The following TMEM164 variants were observed in gnomAD, a reference collection of about 807,000 sequenced individuals.
TMEM164 encodes the protein RP13-360B22.2.
A neutral mutation model predicts 18.8 loss-of-function variants in TMEM164; 4 were observed. The observed-to-expected ratio is 0.21, with a 90% CI of 0.10 to 0.49. The LOEUF (loss-of-function observed/expected upper bound fraction) is 0.49. TMEM164 is among the 20% of genes least tolerant of loss of function. The pLI is 0.98. For synonymous variants in TMEM164, 86 were observed against 101.7 expected (o/e 0.85, Z 0.93); for missense variants, 108 against 239.9 (o/e 0.45, Z 3.63).
chrX:110,147,437 G>A (rs1165855054), intron 5 of TMEM164, among the ~76,000 whole-genome samples: 15 of 111,057 alleles, frequency 1.4e-4, no homozygotes, highest in Admixed American at 4.8e-4. Flanking sequence ...CAACCCCACC[G>A]GCAGCTCTGC....
At chrX:110,052,745 G>GTTTTTTTTTTTTTTTTTTTTTTTTTTT (rs34292132) in intron 2 of TMEM164, among the ~76,000 whole-genome samples, 1 of 68,817 alleles carries the variant, frequency 1.5e-5, no homozygotes, top group Non-Finnish European at 2.7e-5. Context: ...ACATGCATCT[G>GTTTTTTTTTTTTTTTTTTTTTTTTTTT]TTTTTTTTTT....
At chrX:110,183,717 G>A (rs1335062879), downstream of TMEM164, among the ~76,000 whole-genome samples, 7 of 112,548 alleles carry the variant, frequency 6.2e-5, no homozygotes, top group Non-Finnish European at 9.4e-5. Context: ...CCACTTCACA[G>A]CTACGTGGCC....
At chrX:110,081,067 T>C (rs1235092117) in intron 3 of TMEM164, among the ~76,000 whole-genome samples, 1 of 110,134 alleles carries the variant, frequency 9.1e-6, no homozygotes, top group African/African-American at 3.3e-5. Flanking sequence ...TGCATATTAT[T>C]CCATTGTGTG....
At chrX:110,036,301 A>G (rs1451869153) in intron 2 of TMEM164, among the ~76,000 whole-genome samples, 1 of 111,583 alleles carries the variant, frequency 9.0e-6, no homozygotes, top group African/African-American at 3.3e-5. Context: ...ATCTGTATTC[A>G]TGTACCTGTC....
intron 3 of TMEM164, among the ~76,000 whole-genome samples, chrX:110,084,464 GTA>G (rs572080956): frequency 0.017 from 1,041 of 61,735 alleles, 13 homozygotes; most frequent in Middle Eastern, 0.027. Context: ...ATATAGTATA[GTA>G]TATATATATA....
chrX:110,106,909 G>A (rs772273348), intron 3 of TMEM164, among the ~76,000 whole-genome samples: 13 of 112,262 alleles, frequency 1.2e-4, no homozygotes, highest in African/African-American at 4.2e-4. Context: ...TGACACTGCT[G>A]AAAAAGGATT....
chrX:110,079,918 C>T (rs1371826646), intron 3 of TMEM164, among the ~76,000 whole-genome samples: 1 of 110,259 alleles, frequency 9.1e-6, no homozygotes, highest in Non-Finnish European at 1.9e-5. Context: ...CAGCATGGCA[C>T]ATGCATACAT....
chrX:110,145,376 A>C (rs2066839107), intron 5 of TMEM164, among the ~76,000 whole-genome samples: 1 of 111,315 alleles, frequency 9.0e-6, no homozygotes, highest in Non-Finnish European at 1.9e-5. Context: ...AAAATAAACC[A>C]CTGAAAACCT....
intron 4 of TMEM164, among the ~76,000 whole-genome samples, chrX:110,115,001 T>G (rs2088732381): frequency 8.9e-6 from 1 of 111,856 alleles, no homozygotes; most frequent in Non-Finnish European, 1.9e-5. Flanking sequence ...ATGGTTCTTT[T>G]GAGTATTCCT....
chrX:110,114,108 A>G (rs148508932), intron 4 of TMEM164, among the ~76,000 whole-genome samples: 1,451 of 111,849 alleles, frequency 0.013, 16 homozygotes, highest in Middle Eastern at 0.028. Flanking sequence ...CCCAGAACCC[A>G]TATCTCTTGA....
At chrX:110,040,802 T>A (rs951838714) in intron 2 of TMEM164, among the ~76,000 whole-genome samples, 1 of 111,291 alleles carries the variant, frequency 9.0e-6, no homozygotes, top group African/African-American at 3.3e-5. Context: ...CTGAGGCTAG[T>A]GGGCACAGCT....
At chrX:110,180,623 T>C (rs371765480), downstream of TMEM164, among the ~76,000 whole-genome samples, 13 of 111,011 alleles carry the variant, frequency 1.2e-4, no homozygotes, top group East Asian at 3.7e-3. Context: ...ATGGATGCCC[T>C]CCACAGCTGA....
intron 3 of TMEM164, among the ~76,000 whole-genome samples, chrX:110,084,128 T>A (rs2065798219): frequency 9.2e-6 from 1 of 108,853 alleles, no homozygotes; most frequent in African/African-American, 3.3e-5. Flanking sequence ...TTGGCTCTGA[T>A]GTTGTCTGTT....
chrX:110,176,459 C>G lies in TMEM164; in HGVS notation c.*3008C>G. On this transcript the variant is annotated 3_prime_UTR_variant, in exon 7 of 7. Coordinates refer to ENST00000372068, the MANE Select transcript of TMEM164 (RefSeq NM_032227.4). The stretch of plus-strand genomic sequence containing the variant: ...CCCCAAGTCAGCAATCTCTTTCTCT[C>G]TCTCTCCTCAAACTTCATCGCATTC... 1.3e-6 allele frequency: 1 copy of G among 749,463 alleles called. No individual in the cohort carries two copies. The highest frequency in any genetic ancestry group is 1.6e-6 in the Non-Finnish European group (1 of 633,103). The allele number at this position is 749,463 out of a possible 1,213,427, so 61.8% of individuals were successfully genotyped here.
At chrX:110,029,794 C>T (rs964096330) in intron 2 of TMEM164, among the ~76,000 whole-genome samples, 15 of 110,969 alleles carry the variant, frequency 1.4e-4, no homozygotes, top group African/African-American at 3.9e-4. Flanking sequence ...ATTCTGATTG[C>T]GTTTCCTAAA....
Position 110,030,742 on chromosome X carries a change from C to T in TMEM164, c.390+26578C>T, listed in dbSNP as rs1294741991. Among the ~76,000 whole-genome samples the T allele has an allele frequency of 3.9e-5, 4 of 101,432 alleles. No homozygotes were observed. The Admixed American group carries it at 4.4e-4, about 11-fold the overall frequency. 88.1% of individuals were successfully genotyped at this position (101,432 alleles called of 115,157 possible). On this transcript the variant is annotated intron_variant, in intron 2 of 6. Transcript: ENST00000372068. ...AGTAGAATTGCTTGAACCCAGGGGA[C>T]GGAGGTTGCAGTGAGCTGAGATCGC...
chrX:110,011,561 A>G (rs16985914), intron 2 of TMEM164, among the ~76,000 whole-genome samples: 3,756 of 112,174 alleles, frequency 0.033, 155 homozygotes, highest in African/African-American at 0.12. Context: ...GCTATGTGCT[A>G]TCTCCCCATT....
At chrX:110,020,036 G>GCCCAAACA (rs1438884680) in intron 2 of TMEM164, among the ~76,000 whole-genome samples, 3 of 111,919 alleles carry the variant, frequency 2.7e-5, no homozygotes, top group Non-Finnish European at 5.6e-5. Context: ...TCAAGGCTCA[G>GCCCAAACA]CCCAAACACT....
chrX:110,101,811 G>A (rs1168191909), intron 3 of TMEM164, among the ~76,000 whole-genome samples: 1 of 109,004 alleles, frequency 9.2e-6, no homozygotes, highest in Non-Finnish European at 1.9e-5. Context: ...TTGAACTCCT[G>A]GGCTCAGGTG....
Sources: gnomAD v4.1 joint callset for allele counts (sites outside exome capture counted in the v4.1 genomes callset) on GRCh38, gnomAD v4.1.1 for gene constraint, MANE v1.5 for transcripts, NCBI Gene and HGNC (gene_info 2026-07-23, HGNC 2026-07-21) for gene names.